The following MECOM variants were observed in gnomAD, a reference collection of about 807,000 sequenced individuals.
MECOM encodes the protein histone-lysine N-methyltransferase MECOM.
Under a neutral mutation model 116.3 loss-of-function variants are expected in MECOM, and 13 were observed. That is an observed-to-expected ratio of 0.11 (90% CI 0.07 to 0.18). MECOM has a LOEUF of 0.18. Among genes scored for constraint, MECOM ranks in the 10% least tolerant of loss-of-function variants. The probability of loss-of-function intolerance (pLI) is 1.00; values close to 1 mark genes in which losing one functional copy is unlikely to be tolerated. For missense variants in MECOM, 1,299 were observed against 1,509.0 expected, an observed-to-expected ratio of 0.86 and a Z score of 2.31; for synonymous variants, 528 against 535.2, an observed-to-expected ratio of 0.99 and a Z score of 0.19.
chr3:169,439,762 T>C (rs1303544678), intron 1 of MECOM, among the ~76,000 whole-genome samples: 1 of 152,166 alleles, frequency 6.6e-6, no homozygotes, highest in Non-Finnish European at 1.5e-5. Context: ...GCTGTTCTTG[T>C]CCACATTCCT....
intron 2 of MECOM, among the ~76,000 whole-genome samples, chr3:169,263,305 T>G (rs10804831): frequency 0.034 from 5,184 of 150,998 alleles, 301 homozygotes; most frequent in Admixed American, 0.15. Context: ...ATCTTTTGTA[T>G]TTTTAGTAGA....
chr3:169,479,780 A>G (rs1254188891), intron 1 of MECOM, among the ~76,000 whole-genome samples: 1 of 151,944 alleles, frequency 6.6e-6, no homozygotes, highest in Non-Finnish European at 1.5e-5. Context: ...CCTTTTCCTT[A>G]TAGGGACCTG....
intron 9 of MECOM, among the ~76,000 whole-genome samples, chr3:169,112,092 T>C (rs1018315797): frequency 6.6e-6 from 1 of 152,158 alleles, no homozygotes. Flanking sequence ...ACCGTATTTG[T>C]TCTTTCAATA....
At chr3:169,272,398 G>C (rs184414742) in intron 2 of MECOM, among the ~76,000 whole-genome samples, 1 of 152,236 alleles carries the variant, frequency 6.6e-6, no homozygotes, top group East Asian at 1.9e-4. Context: ...AGCCCTCTCA[G>C]TGCACCACAC....
At chr3:169,311,450 A>C (rs1718750222) in intron 2 of MECOM, among the ~76,000 whole-genome samples, 1 of 152,212 alleles carries the variant, frequency 6.6e-6, no homozygotes, top group South Asian at 2.1e-4. Context: ...TATCTAAGCA[A>C]AATCAAAAAC....
chr3:169,254,883 T>A (rs1756676844), intron 2 of MECOM, among the ~76,000 whole-genome samples: 1 of 151,454 alleles, frequency 6.6e-6, no homozygotes, highest in South Asian at 2.1e-4. Flanking sequence ...GGTGTTGGAG[T>A]TTATCTGGTT....
At chr3:169,187,778 C>A (rs1746974403) in intron 2 of MECOM, among the ~76,000 whole-genome samples, 1 of 152,070 alleles carries the variant, frequency 6.6e-6, no homozygotes, top group South Asian at 2.1e-4. Context: ...GAACCTAATA[C>A]AGGAAGAAGT....
chr3:169,116,156 T>G lies in MECOM; in HGVS notation c.1716A>C (p.Lys572Asn), dbSNP rs370311942. ...ERSSEERPFEKISDQSESSDL... is the reference protein window; with the variant it reads ...ERSSEERPFENISDQSESSDL... Reference sequence around the variant, plus strand: ...CACTACTCTCTGACTGGTCACTGATTTTCTCAAAGGGCCTCTCTTCAGAGG... The same window carrying G: ...CACTACTCTCTGACTGGTCACTGATGTTCTCAAAGGGCCTCTCTTCAGAGG... The change falls in exon 8 of 17, where the codon AAA becomes AAC. Residue 572 changes from lysine (K) to asparagine (N), a missense_variant. By Grantham distance (94) the Lys-to-Asn change is moderately conservative. Coordinates refer to ENST00000651503, the MANE Select transcript of MECOM (RefSeq NM_004991.4). The G allele has an allele frequency of 3.1e-6, 5 of 1,614,148 alleles. No homozygotes were observed. Among genetic ancestry groups the G allele is most frequent in the Non-Finnish European group, 4.2e-6 (5 of 1,180,026 alleles).
chr3:169,586,721 T>C (rs1425440413), intron 1 of MECOM, among the ~76,000 whole-genome samples: 1 of 152,224 alleles, frequency 6.6e-6, no homozygotes, highest in African/African-American at 2.4e-5. Context: ...GACTGAATTC[T>C]GTTTGTTTGT....
intron 1 of MECOM, among the ~76,000 whole-genome samples, chr3:169,432,034 A>G (rs1261706547): frequency 6.6e-6 from 1 of 152,002 alleles, no homozygotes; most frequent in South Asian, 2.1e-4. Flanking sequence ...GCCAAACTAC[A>G]TGTGTCTACA....
intron 2 of MECOM, among the ~76,000 whole-genome samples, chr3:169,214,547 G>C (rs1339462588): frequency 6.6e-6 from 1 of 151,612 alleles, no homozygotes; most frequent in African/African-American, 2.4e-5. Context: ...AAGGCAAAAA[G>C]AGTTTTGGTT....
At position 169,115,683 on chromosome 3, in the gene MECOM, A is replaced by G. The variant is rs184774246; in HGVS notation, c.2189T>C (p.Val730Ala). The change falls in exon 8 of 17, where the codon GTA becomes GCA. Residue 730 changes from valine to alanine, a missense_variant. Coordinates refer to ENST00000651503, the MANE Select transcript of MECOM (RefSeq NM_004991.4). ...LKMEPQSPGEVKKLQKGSSES... is the reference protein window; with the variant it reads ...LKMEPQSPGEAKKLQKGSSES... ...AGAGCTGCCCTTCTGCAGTTTCTTT[A>G]CTTCACCTGGTGATTGGGGTTCCAT... is the stretch of plus-strand genomic sequence containing the variant. 1.2e-6 allele frequency: 2 copies of G among 1,614,092 alleles called. No homozygotes were observed. The highest frequency in any genetic ancestry group is 1.3e-5 in the African/African-American group (1 of 75,012).
At chr3:169,528,010 C>T (rs760891595) in intron 1 of MECOM, among the ~76,000 whole-genome samples, 3 of 152,138 alleles carry the variant, frequency 2.0e-5, no homozygotes, top group Non-Finnish European at 4.4e-5. Flanking sequence ...AATGGTTTCC[C>T]TGACACTCTG....
intron 2 of MECOM, among the ~76,000 whole-genome samples, chr3:169,213,065 C>G (rs1750974351): frequency 7.0e-6 from 1 of 143,802 alleles, no homozygotes; most frequent in African/African-American, 2.6e-5. Flanking sequence ...GTTACTTCCT[C>G]TCTTTCTTTT....
intron 1 of MECOM, among the ~76,000 whole-genome samples, chr3:169,517,674 C>A (rs28576880): frequency 2.0e-5 from 3 of 152,096 alleles, no homozygotes; most frequent in African/African-American, 7.2e-5. Context: ...AGTAGAAGAA[C>A]CCCTAAGCCA....
intron 11 of MECOM, 35 bp from the exon 12 acceptor site, chr3:169,100,997 C>T (rs1723377148): frequency 2.0e-6 from 3 of 1,510,264 alleles, no homozygotes; most frequent in African/African-American, 1.4e-5. Context: ...AGAAAGTCAG[C>T]ACAGTTGACT....
chr3:169,631,208 T>C (rs1282181755), intron 1 of MECOM, among the ~76,000 whole-genome samples: 1 of 152,244 alleles, frequency 6.6e-6, no homozygotes, highest in Non-Finnish European at 1.5e-5. Context: ...CTCATCCCAG[T>C]ACTTCCTTTG....
At chr3:169,239,360 A>C (rs1262025846) in intron 2 of MECOM, among the ~76,000 whole-genome samples, 4 of 152,034 alleles carry the variant, frequency 2.6e-5, no homozygotes, top group African/African-American at 9.7e-5. Flanking sequence ...TAAAAATGGC[A>C]ACAAAAATAT....
At chr3:169,378,452 G>GAAAGCGAGCGAGAAAGAAAGAAA (rs1491467574) in intron 2 of MECOM, among the ~76,000 whole-genome samples, 2 of 64,554 alleles carry the variant, frequency 3.1e-5, no homozygotes, top group Non-Finnish European at 5.9e-5. Flanking sequence ...AAAGAAAGAA[G>GAAAGCGAGCGAGAAAGAAAGAAA]GAAAGCAAGC....
Sources: gnomAD v4.1 joint callset for allele counts (sites outside exome capture counted in the v4.1 genomes callset) on GRCh38, gnomAD v4.1.1 for gene constraint, MANE v1.5 for transcripts, NCBI Gene and HGNC (gene_info 2026-07-23, HGNC 2026-07-21) for gene names.